The following WASHC4 variants were observed in gnomAD, a reference collection of about 807,000 sequenced individuals.
WASHC4 encodes WASH complex subunit 4.
WASHC4 carries 86 observed loss-of-function variants against 166.6 expected under a neutral mutation model. The ratio of observed to expected loss-of-function variants is 0.52; its 90% CI spans 0.43 to 0.62. The LOEUF (loss-of-function observed/expected upper bound fraction) is 0.62. Ranked by LOEUF, WASHC4 falls within the 20% of genes least tolerant of loss-of-function variation. The probability of loss-of-function intolerance (pLI) is 0.00; values close to 1 mark genes in which losing one functional copy is unlikely to be tolerated. For synonymous variants in WASHC4, 446 were observed against 451.6 expected (o/e 0.99, Z 0.16); for missense variants, 1,262 against 1,382.4 (o/e 0.91, Z 1.38).
chr12:105,134,234 T>C (rs1882111413), intron 14 of WASHC4, among the ~76,000 whole-genome samples: 1 of 152,270 alleles, frequency 6.6e-6, no homozygotes, highest in African/African-American at 2.4e-5. Flanking sequence ...TTCTAGTTAT[T>C]TTATTATTGA....
chr12:105,152,441 C>A lies in WASHC4; in HGVS notation c.2748C>A (p.Ile916=), dbSNP rs1433906667. 4 of 1,556,166 alleles carry A rather than the reference C, an allele frequency of 2.6e-6. No homozygotes were observed. In the Admixed American group the frequency reaches 6.7e-5, roughly 26 times the overall value. The part of the protein sequence containing the change: ...QSYLDQFRQL[I]SQIGNAMGYV... ...ACCTTGATCAATTCAGGCAACTCAT[C>A]AGCCAGATTGGTAAGTTATGATAAA... Residue 916 remains isoleucine (I), a synonymous_variant, in exon 26 of 33, where the codon ATC becomes ATA. Coordinates refer to ENST00000332180, the MANE Select transcript of WASHC4 (RefSeq NM_015275.3).
intron 29 of WASHC4, among the ~76,000 whole-genome samples, chr12:105,160,935 T>C (rs1884457834): frequency 6.6e-6 from 1 of 152,190 alleles, no homozygotes; most frequent in Admixed American, 6.5e-5. Flanking sequence ...TCTAACTCTG[T>C]AGTTGCTATC....
rs1333089649 is a variant in WASHC4, at chr12:105,144,735, C to G, written c.2197C>G (p.Leu733Val). Residue 733 changes from leucine (L) to valine (V), a missense_variant, in exon 22 of 33, where the codon CTA (leucine) becomes GTA (valine). Physicochemically the swap from Leu to Val is conservative, Grantham distance 32. Transcript: ENST00000332180. ...IDIRAYVTHY[L>V]DKTFYNLTTV... ...TTTGGTAGCTTACGTAACTCACTAC[C>G]TAGACAAGACTTTCTACAATCTAAC... The G allele has an allele frequency of 1.9e-6, 3 of 1,611,970 alleles. No individual in the cohort carries two copies. The highest frequency in any genetic ancestry group is 1.1e-5 in the South Asian group (1 of 90,938).
At chr12:105,157,368 T>C (rs1272351209) in intron 28 of WASHC4, 46 bp downstream of exon 28, 1 of 1,099,256 alleles carries the variant, frequency 9.1e-7, no homozygotes, top group Admixed American at 1.7e-5. Context: ...ATAAAAAACA[T>C]TCTGAAGAGA....
At chr12:105,150,916 A>G (rs1883706205) in intron 25 of WASHC4, among the ~76,000 whole-genome samples, 1 of 152,152 alleles carries the variant, frequency 6.6e-6, no homozygotes, top group Non-Finnish European at 1.5e-5. Context: ...CACTATCATG[A>G]GAACAGGGTA....
Position 105,111,179 on chromosome 12 carries a change from C to G in WASHC4, c.116C>G (p.Thr39Ser). ...KNYGKFLEEY[T>S]SQLRRIEDAL... ...TATGGGAAATTTCTTGAGGAGTATA[C>G]CTCTCAACTGAGAAGAATTGAGGAC... Residue 39 changes from threonine to serine, a missense_variant, in exon 2 of 33, where the codon ACC becomes AGC. Coordinates refer to ENST00000332180, the MANE Select transcript of WASHC4 (RefSeq NM_015275.3). 1 of 1,605,296 alleles carries G rather than the reference C, an allele frequency of 6.2e-7. No homozygotes were observed. The highest frequency in any genetic ancestry group is 2.2e-5 in the East Asian group (1 of 44,766).
chr12:105,164,396 A>G, intron 31 of WASHC4, 89 bp downstream of exon 31: 2 of 1,159,582 alleles, frequency 1.7e-6, no homozygotes, highest in Non-Finnish European at 1.3e-6. Flanking sequence ...AGCCATATAG[A>G]AACTACCATT....
intron 14 of WASHC4, among the ~76,000 whole-genome samples, chr12:105,135,463 G>C (rs1882231467): frequency 1.3e-5 from 2 of 148,864 alleles, no homozygotes; most frequent in African/African-American, 4.9e-5. Flanking sequence ...CTTTGTTTTT[G>C]TTAAGAAGTC....
In WASHC4 at chr12:105,146,461, G is replaced by A. The variant is rs373516348; in HGVS notation, c.2344G>A (p.Val782Ile). ...GTGTATTATGTTGTAGGGCCTTGAT[G>A]TTTTAGAAATTATGAGAAACATTCA... Reference protein sequence around the residue: ...PSQTLEQGLDVLEIMRNIHIF... With the variant: ...PSQTLEQGLDILEIMRNIHIF... The change falls in exon 23 of 33, where the codon GTT becomes ATT. Residue 782 changes from valine to isoleucine, a missense_variant. Transcript: ENST00000332180. 1.9e-6 allele frequency: 3 copies of A among 1,576,662 alleles called. No homozygotes were observed. Among genetic ancestry groups the A allele is most frequent in the South Asian group, 2.2e-5 (2 of 90,130 alleles).
chr12:105,117,032 AT>A (rs1458926368), intron 6 of WASHC4, among the ~76,000 whole-genome samples: 2 of 152,128 alleles, frequency 1.3e-5, no homozygotes, highest in Non-Finnish European at 2.9e-5. Context: ...TGCATTTTTC[AT>A]TTTGAGGGTA....
At chr12:105,133,702 T>C in intron 13 of WASHC4, 68 bp from the exon 14 acceptor site, 1 of 1,281,874 alleles carries the variant, frequency 7.8e-7, no homozygotes, top group Non-Finnish European at 1.1e-6. Flanking sequence ...AATAATGTAC[T>C]GCAATCAGTA....
At chr12:105,164,469 C>T (rs1566033411) in intron 31 of WASHC4, 162 bp downstream of exon 31, 7 of 807,640 alleles carry the variant, frequency 8.7e-6, no homozygotes, top group East Asian at 5.3e-5. Flanking sequence ...ATTTGGAAGC[C>T]ATTTGACTCA....
At chr12:105,159,960 CT>C (rs1283104636) in intron 28 of WASHC4, 40 bp from the exon 29 acceptor site, 1 of 1,596,344 alleles carries the variant, frequency 6.3e-7, no homozygotes. Flanking sequence ...CAAAGCCACG[CT>C]TCTTTTGAGA....
Position 105,142,486 on chromosome 12 carries a change from C to T in WASHC4, c.1821C>T (p.Tyr607=). 3.7e-6 allele frequency: 6 copies of T among 1,610,272 alleles called. No individual in the cohort carries two copies. Among genetic ancestry groups the T allele is most frequent in the Non-Finnish European group, 5.1e-6 (6 of 1,177,268 alleles). ...CACAATGTGACTGTTGTTTTTTATACTGGCATCGAGCTGTCTTCCCAATTT... is the reference window on the plus strand; with the variant it reads ...CACAATGTGACTGTTGTTTTTTATATTGGCATCGAGCTGTCTTCCCAATTT... The part of the protein sequence containing the change: ...VQTQCDCCFL[Y]WHRAVFPIYL... The change falls in exon 19 of 33, where the codon TAC becomes TAT. Residue 607 remains tyrosine (Y), a synonymous_variant. Coordinates refer to ENST00000332180, the MANE Select transcript of WASHC4 (RefSeq NM_015275.3).
chr12:105,108,849 A>G (rs1314363568), intron 1 of WASHC4, among the ~76,000 whole-genome samples: 2 of 152,120 alleles, frequency 1.3e-5, no homozygotes, highest in Admixed American at 1.3e-4. Flanking sequence ...TGTTAGATGA[A>G]TTAGGTTTTA....
intron 24 of WASHC4, chr12:105,148,475 A>G: frequency 2.0e-6 from 2 of 984,836 alleles, no homozygotes; most frequent in Non-Finnish European, 2.4e-6. Flanking sequence ...TCAGTTAATT[A>G]CACTAATGAA....
intron 13 of WASHC4, 144 bp downstream of exon 13, chr12:105,127,433 T>G (rs1202665655): frequency 1.4e-6 from 1 of 689,814 alleles, no homozygotes; most frequent in Non-Finnish European, 2.5e-6. Context: ...CCAGGAGATT[T>G]GTTTTCTAGA....
rs763102084 is a variant in WASHC4, at chr12:105,121,088, G to A, written c.562-13G>A. The A allele has an allele frequency of 4.4e-6, 7 of 1,585,556 alleles. No homozygotes were observed. The African/African-American group carries it at 6.7e-5, about 15-fold the overall frequency. On this transcript the variant is annotated splice_polypyrimidine_tract_variant and intron_variant, in intron 8 of 32. Transcript: ENST00000332180. ...TAGTGACTAAATGATAATCATTAAA[G>A]GTTTTTTGACAGACTATGTATGAGC... is the stretch of plus-strand genomic sequence containing the variant.
chr12:105,151,821 A>G (rs901163084), intron 25 of WASHC4, among the ~76,000 whole-genome samples: 19 of 152,198 alleles, frequency 1.2e-4, no homozygotes, highest in African/African-American at 3.4e-4. Flanking sequence ...GTATTTAGAG[A>G]TAAATATTCA....
Sources: allele counts gnomAD v4.1 joint callset (sites outside exome capture counted in the v4.1 genomes callset), GRCh38; gene constraint gnomAD v4.1.1; transcripts MANE v1.5; gene names NCBI Gene and HGNC (gene_info 2026-07-23, HGNC 2026-07-21).